ANKRD28: variants seen among roughly 807,000 people sequenced by gnomAD.
ANKRD28 encodes the protein serine/threonine-protein phosphatase 6 regulatory ankyrin repeat subunit A.
Under a neutral mutation model 126.5 loss-of-function variants are expected in ANKRD28, and 44 were observed. That is an observed-to-expected ratio of 0.35 (90% CI 0.27 to 0.45). The LOEUF is 0.45. Among genes scored for constraint, ANKRD28 ranks in the 20% least tolerant of loss-of-function variants. The probability of loss-of-function intolerance (pLI) is 1.00; values close to 1 mark genes in which losing one functional copy is unlikely to be tolerated. For missense variants in ANKRD28, 1,110 were observed against 1,316.6 expected, an observed-to-expected ratio of 0.84 and a Z score of 2.43; for synonymous variants, 442 against 468.5, an observed-to-expected ratio of 0.94 and a Z score of 0.73.
At chr3:15,832,117 G>A (rs1312586241) in intron 1 of ANKRD28, among the ~76,000 whole-genome samples, 1 of 152,154 alleles carries the variant, frequency 6.6e-6, no homozygotes, top group East Asian at 1.9e-4. Flanking sequence ...TGCCCTTGAA[G>A]AACTCACATT....
intron 1 of ANKRD28, among the ~76,000 whole-genome samples, chr3:15,850,378 A>G (rs1575822183): frequency 6.6e-6 from 1 of 152,070 alleles, no homozygotes; most frequent in East Asian, 1.9e-4. Flanking sequence ...ACAAATGACC[A>G]TAACAGATAA....
rs868090530 is a variant in ANKRD28, at chr3:15,853,370, T to C, written c.27+6007A>G. ...ATAAATTTTACATTAGACTAGAAAA[T>C]TAAAAAGGAAATAAGACAAAATGCT... On this transcript the variant is annotated intron_variant, in intron 1 of 27. Coordinates refer to the ANKRD28 transcript ENST00000399451. This position sits in a 1 kb window ranked among gnomAD's most constrained non-coding sequence, Gnocchi z 4.2. 2.0e-5 allele frequency among the ~76,000 whole-genome samples: 3 copies of C among 152,264 alleles called. No individual in the cohort carries two copies. In the South Asian group the frequency reaches 6.2e-4, roughly 32 times the overall value.
intron 27 of ANKRD28, among the ~76,000 whole-genome samples, chr3:15,673,675 C>G (rs932554221): frequency 2.1e-4 from 32 of 152,076 alleles, no homozygotes; most frequent in African/African-American, 7.2e-4. Flanking sequence ...GAAGATGAAA[C>G]TGGAGCTAAG....
At chr3:15,774,533 T>G (rs1333106846) in intron 2 of ANKRD28, among the ~76,000 whole-genome samples, 3 of 152,190 alleles carry the variant, frequency 2.0e-5, no homozygotes, top group Non-Finnish European at 4.4e-5. Flanking sequence ...TATGTATAAT[T>G]TAACTGCAAA....
In ANKRD28 at chr3:15,686,104, T is replaced by G. The variant is rs561125204; in HGVS notation, c.2067A>C (p.Leu689=). 1.9e-6 allele frequency: 3 copies of G among 1,613,146 alleles called. No homozygotes were observed. Among genetic ancestry groups the G allele is most frequent in the East Asian group, 2.2e-5 (1 of 44,858 alleles). ...QDGNGQTPLM[L]SVLNGHTDCV... ...AGTCTGTGTGCCCGTTGAGAACAGA[T>G]AGCATCAGAGGCGTCCTGAGCAACA... The change falls in exon 20 of 28, where the codon CTA becomes CTC. Residue 689 remains leucine, a synonymous_variant. Transcript: ENST00000683139.
At chr3:15,844,316 C>T (rs1443320612) in intron 1 of ANKRD28, among the ~76,000 whole-genome samples, 1 of 152,088 alleles carries the variant, frequency 6.6e-6, no homozygotes, top group Non-Finnish European at 1.5e-5. Flanking sequence ...AAGGTCAAGA[C>T]TTCTCAAGAG....
chr3:15,824,132 C>T (rs2061006370), intron 1 of ANKRD28, among the ~76,000 whole-genome samples: 1 of 152,262 alleles, frequency 6.6e-6, no homozygotes, highest in South Asian at 2.1e-4. Context: ...TCTCTATTTG[C>T]AGATATGATG....
intron 14 of ANKRD28, 47 bp from the exon 15 acceptor site, chr3:15,696,292 T>A (rs1414669658): frequency 8.3e-7 from 1 of 1,211,958 alleles, no homozygotes; most frequent in Non-Finnish European, 1.2e-6. Context: ...ATCCTGCATA[T>A]TAACCAATGA....
intron 27 of ANKRD28, 122 bp downstream of exon 27, chr3:15,675,773 CTCT>C: frequency 1.3e-6 from 1 of 757,090 alleles, no homozygotes; most frequent in Non-Finnish European, 2.0e-6. Context: ...CCACAAACTA[CTCT>C]TCAATATTAA....
At position 15,850,258 on chromosome 3, in the gene ANKRD28, G is replaced by GAGAGAGAGAGAGAGAGAGAGAGAA. The variant is rs1384999941; in HGVS notation, c.27+9118_27+9119insTTCTCTCTCTCTCTCTCTCTCTCT. ...AGAGAGAGAGAGAGAGAGAGAGAGAGAGAGAAAGTTGAAATCCTACCTCAT... is the reference window on the plus strand; with the variant it reads ...AGAGAGAGAGAGAGAGAGAGAGAGAGAGAGAGAGAGAGAGAGAGAGAGAAAGAGAAAGTTGAAATCCTACCTCAT... On this transcript the variant is annotated intron_variant, in intron 1 of 27. Coordinates refer to the ANKRD28 transcript ENST00000399451. Among the ~76,000 whole-genome samples the GAGAGAGAGAGAGAGAGAGAGAGAA allele has an allele frequency of 3.9e-4, 49 of 126,888 alleles. 2 individuals are homozygous for GAGAGAGAGAGAGAGAGAGAGAGAA. The highest frequency in any genetic ancestry group is 2.0e-3 in the South Asian group (7 of 3,434). The allele number at this position is 126,888 out of a possible 152,430, so 83.2% of individuals were successfully genotyped here.
intron 1 of ANKRD28, among the ~76,000 whole-genome samples, chr3:15,842,990 A>G (rs2061455594): frequency 1.3e-5 from 2 of 152,226 alleles, no homozygotes; most frequent in African/African-American, 2.4e-5. Context: ...CTTATCTGGT[A>G]TATTAGACTG....
At chr3:15,760,103 TACC>T (rs1467438632) in intron 3 of ANKRD28, among the ~76,000 whole-genome samples, 1 of 152,050 alleles carries the variant, frequency 6.6e-6, no homozygotes, top group Non-Finnish European at 1.5e-5. Context: ...CCAGCCCAAC[TACC>T]TGTGGTATAT....
intron 2 of ANKRD28, among the ~76,000 whole-genome samples, chr3:15,787,509 G>A (rs1040085487): frequency 2.0e-5 from 3 of 152,248 alleles, no homozygotes; most frequent in Admixed American, 6.5e-5. Flanking sequence ...TTCACTCCAC[G>A]TTCCATACAA....
chr3:15,692,441 C>T (rs542500348), intron 17 of ANKRD28, among the ~76,000 whole-genome samples: 14 of 151,970 alleles, frequency 9.2e-5, no homozygotes, highest in African/African-American at 3.1e-4. Flanking sequence ...CAGAGTGAGA[C>T]AATGAAAAAC....
chr3:15,727,586 A>AAG (rs2074269702), intron 6 of ANKRD28, among the ~76,000 whole-genome samples: 1 of 149,964 alleles, frequency 6.7e-6, no homozygotes, highest in East Asian at 1.9e-4. Context: ...AAAAAAAAAA[A>AAG]AAAAGAAAGA....
At chr3:15,771,504 G>T (rs556149989) in intron 2 of ANKRD28, among the ~76,000 whole-genome samples, 5 of 152,062 alleles carry the variant, frequency 3.3e-5, no homozygotes, top group Non-Finnish European at 5.9e-5. Flanking sequence ...GAGAGCAGGG[G>T]TGTCACAAGG....
At chr3:15,687,284 T>A (rs530808863) in intron 18 of ANKRD28, among the ~76,000 whole-genome samples, 2 of 152,118 alleles carry the variant, frequency 1.3e-5, no homozygotes, top group African/African-American at 4.8e-5. Flanking sequence ...CCCCTTAAGC[T>A]ATTTTCAGTA....
rs1389682606 is a variant in ANKRD28, at chr3:15,792,340, G to A, written c.201+2883C>T. On this transcript the variant is annotated intron_variant, in intron 2 of 27. Transcript: ENST00000683139. ...CCTAAGTGTCCATCAACAGATGAAT[G>A]GATAATGAAAATGTGGTACATACAC... Among the ~76,000 whole-genome samples the A allele has an allele frequency of 2.0e-5, 3 of 152,246 alleles. No individual in the cohort carries two copies. In the East Asian group the frequency reaches 5.8e-4, roughly 29 times the overall value.
chr3:15,678,839 T>C (rs2067227364), intron 23 of ANKRD28, among the ~76,000 whole-genome samples: 1 of 152,238 alleles, frequency 6.6e-6, no homozygotes, highest in Admixed American at 6.5e-5. Flanking sequence ...AAAAACCTTT[T>C]ATAATGTAAA....
Sources: allele counts gnomAD v4.1 joint callset (sites outside exome capture counted in the v4.1 genomes callset), GRCh38; gene constraint gnomAD v4.1.1; non-coding constraint Gnocchi (gnomAD v3.1); transcripts MANE v1.5; gene names NCBI Gene and HGNC (gene_info 2026-07-23, HGNC 2026-07-21).